NSMCE2: variants seen among roughly 807,000 people sequenced by gnomAD.
NSMCE2 encodes E3 SUMO-protein ligase NSE2.
NSMCE2 carries 24 observed loss-of-function variants against 23.8 expected under a neutral mutation model. The ratio of observed to expected loss-of-function variants is 1.01; its 90% confidence interval spans 0.73 to 1.42. The LOEUF (loss-of-function observed/expected upper bound fraction) is 1.42. NSMCE2 is among the 40% of genes most tolerant of loss of function. The pLI is 0.00. For missense variants in NSMCE2, 284 were observed against 296.5 expected (o/e 0.96, Z 0.31); for synonymous variants, 92 against 94.1 (o/e 0.98, Z 0.13).
At chr8:125,309,824 TGAAATTTCAGA>T (rs1465438670) in intron 5 of NSMCE2, among the ~76,000 whole-genome samples, 1 of 152,234 alleles carries the variant, frequency 6.6e-6, no homozygotes, top group Non-Finnish European at 1.5e-5. Flanking sequence ...TCAGTAGGTC[TGAAATTTCAGA>T]GTATTGAGCA....
chr8:125,360,706 T>C (rs76420951), intron 7 of NSMCE2, among the ~76,000 whole-genome samples: 21 of 152,310 alleles, frequency 1.4e-4, no homozygotes, highest in African/African-American at 4.6e-4. Flanking sequence ...CTCCAGAAGT[T>C]TCTGATGAAG....
intron 5 of NSMCE2, among the ~76,000 whole-genome samples, chr8:125,218,536 C>T (rs960821663): frequency 2.0e-5 from 3 of 151,850 alleles, no homozygotes; most frequent in Non-Finnish European, 4.4e-5. Flanking sequence ...CTCAGCCTCC[C>T]GAGTAGCTGT....
chr8:125,309,427 A>G (rs1047789883), intron 5 of NSMCE2, among the ~76,000 whole-genome samples: 1 of 151,784 alleles, frequency 6.6e-6, no homozygotes, highest in Non-Finnish European at 1.5e-5. Flanking sequence ...TTTACCATAG[A>G]AGTGTTTTAT....
intron 5 of NSMCE2, among the ~76,000 whole-genome samples, chr8:125,234,627 A>G (rs1825467437): frequency 6.6e-6 from 1 of 152,170 alleles, no homozygotes; most frequent in Non-Finnish European, 1.5e-5. Flanking sequence ...TGAGGTTTAT[A>G]TTATCTCATA....
intron 3 of NSMCE2, among the ~76,000 whole-genome samples, chr8:125,105,308 G>C (rs1213583216): frequency 2.0e-5 from 3 of 152,038 alleles, no homozygotes; most frequent in Non-Finnish European, 4.4e-5. Context: ...TTATGTTTTT[G>C]GTGATCATAA....
chr8:125,172,084 A>G (rs1487264837), intron 4 of NSMCE2, among the ~76,000 whole-genome samples: 1 of 152,244 alleles, frequency 6.6e-6, no homozygotes, highest in Non-Finnish European at 1.5e-5. Context: ...GAAGAAATTG[A>G]TTGTCTGAGT....
intron 4 of NSMCE2, among the ~76,000 whole-genome samples, chr8:125,160,267 A>G (rs1209280996): frequency 3.9e-5 from 6 of 152,350 alleles, no homozygotes; most frequent in Admixed American, 2.0e-4. Context: ...CAGTTCTGTC[A>G]CACTAATTTA....
At chr8:125,182,049 G>C (rs1160861638) in intron 4 of NSMCE2, 54 bp from the exon 5 acceptor site, 44 of 1,320,960 alleles carry the variant, frequency 3.3e-5, no homozygotes, top group Non-Finnish European at 4.5e-5. Context: ...GCAAAACTTT[G>C]TTAACACTAT....
intron 5 of NSMCE2, among the ~76,000 whole-genome samples, chr8:125,256,464 TAA>T (rs985057220): frequency 5.3e-5 from 8 of 152,064 alleles, no homozygotes; most frequent in Non-Finnish European, 1.0e-4. Flanking sequence ...GCTGGATATG[TAA>T]AGTCTCTGGC....
intron 5 of NSMCE2, among the ~76,000 whole-genome samples, chr8:125,249,417 C>T (rs1481194976): frequency 6.6e-6 from 1 of 152,150 alleles, no homozygotes; most frequent in Non-Finnish European, 1.5e-5. Context: ...CACCTACATG[C>T]AGTCTTTGTC....
intron 5 of NSMCE2, among the ~76,000 whole-genome samples, chr8:125,333,443 A>G (rs1185317674): frequency 1.4e-5 from 2 of 143,758 alleles, no homozygotes; most frequent in African/African-American, 2.5e-5. Context: ...AGTCACTGAG[A>G]TTACAGGTGC....
chr8:125,108,766 A>G (rs924319016), intron 3 of NSMCE2, among the ~76,000 whole-genome samples: 1 of 152,220 alleles, frequency 6.6e-6, no homozygotes, highest in African/African-American at 2.4e-5. Flanking sequence ...CTAAGTCACT[A>G]ATTCATCAGA....
intron 5 of NSMCE2, among the ~76,000 whole-genome samples, chr8:125,215,872 C>T (rs1042677445): frequency 3.3e-5 from 5 of 152,120 alleles, no homozygotes; most frequent in African/African-American, 1.2e-4. Flanking sequence ...CACTTGAACC[C>T]AGGAGTTCAA....
In NSMCE2 at chr8:125,317,332, G is replaced by T. The variant is rs190747794; in HGVS notation, c.419-39887G>T. Among the ~76,000 whole-genome samples, 479 of 151,666 alleles carry T rather than the reference G, an allele frequency of 3.2e-3. 5 individuals carry two copies. The highest frequency in any genetic ancestry group is 0.014 in the Middle Eastern group (4 of 292). On this transcript the variant is annotated intron_variant, in intron 5 of 7. Coordinates refer to ENST00000287437, the MANE Select transcript of NSMCE2 (RefSeq NM_173685.4). The stretch of plus-strand genomic sequence containing the variant: ...CTCTCCCCAGCCTCCGAATAGCTGG[G>T]ACTACAGGCACATGCCACCATGCCT...
intron 5 of NSMCE2, among the ~76,000 whole-genome samples, chr8:125,242,220 A>G (rs146110104): frequency 3.3e-4 from 50 of 152,280 alleles, no homozygotes; most frequent in Middle Eastern, 3.4e-3. Context: ...GAACCTGGCA[A>G]ACCCATGGAG....
At chr8:125,243,938 A>G (rs1488773257) in intron 5 of NSMCE2, among the ~76,000 whole-genome samples, 2 of 152,210 alleles carry the variant, frequency 1.3e-5, no homozygotes, top group Non-Finnish European at 2.9e-5. Context: ...TTCTGTATAA[A>G]TCCCCCAAAA....
intron 5 of NSMCE2, among the ~76,000 whole-genome samples, chr8:125,240,474 T>A (rs931119816): frequency 6.6e-6 from 1 of 152,226 alleles, no homozygotes; most frequent in Non-Finnish European, 1.5e-5. Context: ...TACTTTATAA[T>A]GAAGCCAATC....
chr8:125,208,681 G>A (rs1320529836), intron 5 of NSMCE2, among the ~76,000 whole-genome samples: 3 of 152,202 alleles, frequency 2.0e-5, no homozygotes, highest in African/African-American at 7.2e-5. Flanking sequence ...CACCTGAGAA[G>A]GGAGACATCT....
chr8:125,366,698 C>A, intron 7 of NSMCE2, 70 bp from the exon 8 acceptor site: 1 of 861,656 alleles, frequency 1.2e-6, no homozygotes, highest in Admixed American at 2.1e-5. Flanking sequence ...TACTTAAACA[C>A]TTGAGTATAA....
Sources: gnomAD v4.1 joint callset for allele counts (sites outside exome capture counted in the v4.1 genomes callset) on GRCh38, gnomAD v4.1.1 for gene constraint, MANE v1.5 for transcripts, NCBI Gene and HGNC (gene_info 2026-07-23, HGNC 2026-07-21) for gene names.